The following ARHGAP44 variants were observed in gnomAD, a reference collection of about 807,000 sequenced individuals.
ARHGAP44 encodes rho GTPase-activating protein 44.
In ARHGAP44, 43 loss-of-function variants were observed where a neutral mutation model predicts 106.8. That is an observed-to-expected ratio of 0.40 (90% CI 0.32 to 0.52). The LOEUF (loss-of-function observed/expected upper bound fraction) is 0.52, where lower values mean the gene tolerates loss of function less well. Among genes scored for constraint, ARHGAP44 ranks in the 20% least tolerant of loss-of-function variants. The probability of loss-of-function intolerance (pLI) is 0.48; values close to 1 mark genes in which losing one functional copy is unlikely to be tolerated. For synonymous variants in ARHGAP44, 439 were observed against 410.3 expected (o/e 1.07, Z -0.85); for missense variants, 866 against 1,050.5 (o/e 0.82, Z 2.43).
At chr17:12,982,740 T>C (rs916990125) in intron 19 of ARHGAP44, 4 of 152,248 alleles carry the variant, frequency 2.6e-5, no homozygotes, top group Admixed American at 2.0e-4. Flanking sequence ...TTTGAATAAG[T>C]TGACCCAGGG....
At chr17:12,870,388 T>C (rs987715458) in intron 1 of ARHGAP44, among the ~76,000 whole-genome samples, 2 of 152,154 alleles carry the variant, frequency 1.3e-5, no homozygotes, top group Non-Finnish European at 2.9e-5. Context: ...TTTTTAGCCT[T>C]TTAATACGTA....
At position 12,922,643 on chromosome 17, in the gene ARHGAP44, C is replaced by T. The variant is rs115375263; in HGVS notation, c.464+2812C>T. The stretch of plus-strand genomic sequence containing the variant: ...AGTATCAAACCATGTCATTACCATA[C>T]ATATTTTTGTTTTGTCTTCTTATGA... On this transcript the variant is annotated intron_variant, in intron 6 of 20. Transcript: ENST00000379672. Among the ~76,000 whole-genome samples, 65 of 152,290 alleles carry T rather than the reference C, an allele frequency of 4.3e-4. 1 individual carries two copies. The highest frequency in any genetic ancestry group is 1.5e-3 in the African/African-American group (64 of 41,556).
At chr17:12,974,967 A>G (rs151198455) in intron 18 of ARHGAP44, among the ~76,000 whole-genome samples, 1,955 of 151,902 alleles carry the variant, frequency 0.013, 36 homozygotes, top group African/African-American at 0.042. Flanking sequence ...CTCCTGCCTC[A>G]GCCTCCCAAG....
intron 1 of ARHGAP44, among the ~76,000 whole-genome samples, chr17:12,817,746 G>A (rs894834469): frequency 6.6e-6 from 1 of 152,000 alleles, no homozygotes. Flanking sequence ...ACACCATTTT[G>A]CACATAAATT....
intron 1 of ARHGAP44, among the ~76,000 whole-genome samples, chr17:12,841,651 C>A (rs7222614): frequency 0.29 from 41,869 of 145,830 alleles, 9,220 homozygotes; most frequent in African/African-American, 0.61. Flanking sequence ...AACAAACAAA[C>A]AAAAACCACA....
intron 7 of ARHGAP44, among the ~76,000 whole-genome samples, chr17:12,932,299 A>G (rs947100484): frequency 3.3e-5 from 5 of 152,218 alleles, no homozygotes; most frequent in Admixed American, 6.5e-5. Flanking sequence ...TATTTATTGG[A>G]CATTCTTCAT....
chr17:12,987,177 T>G, intron 20 of ARHGAP44: 2 of 1,526,930 alleles, frequency 1.3e-6, no homozygotes, highest in East Asian at 4.9e-5. Context: ...GCCTCGCCCC[T>G]CCACCCCGCT....
intron 16 of ARHGAP44, among the ~76,000 whole-genome samples, chr17:12,962,771 C>T (rs924545187): frequency 2.0e-5 from 3 of 152,098 alleles, no homozygotes; most frequent in Non-Finnish European, 2.9e-5. Context: ...CTGGGTCAGG[C>T]GCGGTGGCTC....
At chr17:12,966,556 G>C (rs1279055248) in intron 16 of ARHGAP44, among the ~76,000 whole-genome samples, 1 of 152,160 alleles carries the variant, frequency 6.6e-6, no homozygotes, top group Non-Finnish European at 1.5e-5. Flanking sequence ...AGGAGCTTTG[G>C]GTCCCCTTTT....
intron 1 of ARHGAP44, among the ~76,000 whole-genome samples, chr17:12,851,994 G>A (rs1264427955): frequency 6.6e-6 from 1 of 151,158 alleles, no homozygotes; most frequent in Non-Finnish European, 1.5e-5. Context: ...ATTTCGCTCT[G>A]GTTTGAAGGG....
chr17:12,975,259 T>C (rs1208603300), intron 18 of ARHGAP44, among the ~76,000 whole-genome samples: 2 of 152,332 alleles, frequency 1.3e-5, no homozygotes, highest in East Asian at 3.9e-4. Flanking sequence ...GTATCCTATT[T>C]TGAAGTTTAC....
chr17:12,984,664 A>G lies in ARHGAP44; in HGVS notation c.2073A>G (p.Gly691=). ...CGCCCAGCACCCCGTCACCCTATGG[A>G]CTGAGCTACCCTCAGGGGTACTCCT... ...PTPPSTPSPY[G]LSYPQGYSLA... The change falls in exon 20 of 21, where the codon GGA becomes GGG. Residue 691 remains glycine, a synonymous_variant. Transcript: ENST00000379672. The G allele has an allele frequency of 6.3e-7, 1 of 1,599,110 alleles. No individual in the cohort carries two copies. The highest frequency in any genetic ancestry group is 8.6e-7 in the Non-Finnish European group (1 of 1,169,182).
At chr17:12,901,806 C>G (rs2037381756) in intron 3 of ARHGAP44, among the ~76,000 whole-genome samples, 1 of 152,118 alleles carries the variant, frequency 6.6e-6, no homozygotes, top group South Asian at 2.1e-4. Context: ...TACTGTAAAT[C>G]CACGCACTTG....
rs2190703 is a variant in ARHGAP44 at position 12,886,424 on chromosome 17, T to C, written c.54-8516T>C. 3.9e-3 allele frequency among the ~76,000 whole-genome samples: 593 copies of C among 152,272 alleles called. 4 individuals carry two copies. Among genetic ancestry groups the C allele is most frequent in the African/African-American group, 0.014 (562 of 41,570 alleles). ...GTGATCAGTTTGGGGAGAAGTGATA[T>C]CTTTGCCAGATACAAATACCACAGA... is the stretch of plus-strand genomic sequence containing the variant. On this transcript the variant is annotated intron_variant, in intron 1 of 20. Coordinates refer to ENST00000379672, the MANE Select transcript of ARHGAP44 (RefSeq NM_014859.6).
At chr17:12,984,384 G>C (rs990258086) in intron 19 of ARHGAP44, 147 bp from the exon 20 acceptor site, 2 of 743,144 alleles carry the variant, frequency 2.7e-6, no homozygotes, top group African/African-American at 1.8e-5. Flanking sequence ...GCAAGAGGCC[G>C]GGGGGCAGGG....
At chr17:12,844,251 C>T (rs966445036) in intron 1 of ARHGAP44, among the ~76,000 whole-genome samples, 23 of 152,072 alleles carry the variant, frequency 1.5e-4, no homozygotes, top group African/African-American at 4.6e-4. Flanking sequence ...TTATTTGGCT[C>T]GTGTTTCTGG....
intron 1 of ARHGAP44, among the ~76,000 whole-genome samples, chr17:12,851,041 T>A (rs1337556800): frequency 1.3e-5 from 2 of 152,246 alleles, no homozygotes. Context: ...TGCTATGATC[T>A]GTAGAGTCCG....
chr17:12,811,743 C>G (rs2034447743), intron 1 of ARHGAP44, among the ~76,000 whole-genome samples: 1 of 152,080 alleles, frequency 6.6e-6, no homozygotes, highest in South Asian at 2.1e-4. Flanking sequence ...ACAGGCATAC[C>G]TTTCTTTTAG....
At chr17:12,791,619 T>C (rs2033760792) in intron 1 of ARHGAP44, among the ~76,000 whole-genome samples, 1 of 152,150 alleles carries the variant, frequency 6.6e-6, no homozygotes, top group Non-Finnish European at 1.5e-5. Context: ...TGTTTTTAAA[T>C]GGGGGAGATT....
Sources: allele counts gnomAD v4.1 joint callset (sites outside exome capture counted in the v4.1 genomes callset), GRCh38; gene constraint gnomAD v4.1.1; transcripts MANE v1.5; gene names NCBI Gene and HGNC (gene_info 2026-07-23, HGNC 2026-07-21).